Variants in CEP128 observed in about 807,000 individuals in gnomAD.
The protein encoded by CEP128 is centrosomal protein 128kDa.
Under a neutral mutation model 156.7 loss-of-function variants are expected in CEP128, and 132 were observed. The ratio of observed to expected loss-of-function variants is 0.84; its 90% CI spans 0.73 to 0.97. The LOEUF is 0.97. Among genes scored for constraint, CEP128 ranks in the 50% least tolerant of loss-of-function variants. The pLI, the probability that CEP128 is intolerant of heterozygous loss-of-function variation, is 0.00. For missense variants in CEP128, 1,252 were observed against 1,281.9 expected (o/e 0.98, Z 0.36); for synonymous variants, 469 against 448.9 (o/e 1.04, Z -0.57).
intron 19 of CEP128, among the ~76,000 whole-genome samples, chr14:80,685,723 C>A (rs996461567): frequency 6.6e-6 from 1 of 152,062 alleles, no homozygotes; most frequent in Admixed American, 6.6e-5. Flanking sequence ...TATAAGGCTG[C>A]AGTAACCAAA....
intron 19 of CEP128, among the ~76,000 whole-genome samples, chr14:80,619,359 G>GACACACACACACACACAC (rs765931874): frequency 4.1e-5 from 3 of 72,632 alleles, no homozygotes; most frequent in Non-Finnish European, 7.6e-5. Context: ...ATGATTTAAA[G>GACACACACACACACACAC]ACACACAGAC....
rs1447589836 is a variant in CEP128 at position 80,819,158 on chromosome 14, CCTT to C, written c.1209+11982_1209+11984del. On this transcript the variant is annotated intron_variant, in intron 13 of 24. Transcript: ENST00000555265. ...TTGCATGGTCAGATTCTGGTGCAGA[CCTT>C]CTTTGAGCTGCAGACCGACAACTTT... 2.0e-4 allele frequency among the ~76,000 whole-genome samples: 30 copies of C among 151,882 alleles called. No homozygotes were observed. In the East Asian group the frequency reaches 5.8e-3, roughly 29 times the overall value.
chr14:80,946,905 T>C (rs1886358497), intron 2 of CEP128, among the ~76,000 whole-genome samples: 1 of 152,204 alleles, frequency 6.6e-6, no homozygotes, highest in Non-Finnish European at 1.5e-5. Context: ...GATTTCCCCC[T>C]TGCTGTTCTC....
At chr14:80,691,563 T>C (rs1896720739) in intron 19 of CEP128, among the ~76,000 whole-genome samples, 1 of 152,152 alleles carries the variant, frequency 6.6e-6, no homozygotes, top group Admixed American at 6.5e-5. Context: ...TGGCTTCTTC[T>C]CTCACAAGCA....
chr14:80,505,254 T>C (rs565376617), intron 23 of CEP128, among the ~76,000 whole-genome samples: 3 of 152,332 alleles, frequency 2.0e-5, no homozygotes, highest in African/African-American at 4.8e-5. Context: ...CCAGTCTTTT[T>C]CCCCCATGAA....
Position 80,729,058 on chromosome 14 carries a change from G to GTGTGTGTGTGTGTGTGTGTGTGTGTGTGT in CEP128, c.2806+14016_2806+14017insACACACACACACACACACACACACACACA, listed in dbSNP as rs1344457542. Among the ~76,000 whole-genome samples, 85 of 105,054 alleles carry GTGTGTGTGTGTGTGTGTGTGTGTGTGTGT rather than the reference G, an allele frequency of 8.1e-4. 9 individuals are homozygous for GTGTGTGTGTGTGTGTGTGTGTGTGTGTGT. The highest frequency in any genetic ancestry group is 3.7e-3 in the East Asian group (12 of 3,200). The allele number at this position is 105,054 out of a possible 152,430, so 68.9% of individuals were successfully genotyped here. On this transcript the variant is annotated intron_variant, in intron 19 of 24. Coordinates refer to ENST00000555265, the MANE Select transcript of CEP128 (RefSeq NM_152446.5). ...CCTAGTCCCAGGCTGGGCTGGTGGG[G>GTGTGTGTGTGTGTGTGTGTGTGTGTGTGT]GTGTGTGTGTGTGTGTGTGTGTGTG...
intron 19 of CEP128, among the ~76,000 whole-genome samples, chr14:80,687,026 G>C (rs981019784): frequency 1.3e-5 from 2 of 152,152 alleles, no homozygotes; most frequent in Non-Finnish European, 2.9e-5. Context: ...ATATTAGACA[G>C]ATCATCAAGA....
chr14:80,864,266 G>A (rs916648887), intron 8 of CEP128, among the ~76,000 whole-genome samples: 1 of 152,056 alleles, frequency 6.6e-6, no homozygotes, highest in African/African-American at 2.4e-5. Context: ...TGAAGTTCTG[G>A]GGGAGTCCAA....
chr14:80,818,740 C>G (rs1885001496), intron 13 of CEP128, among the ~76,000 whole-genome samples: 2 of 152,206 alleles, frequency 1.3e-5, no homozygotes, highest in African/African-American at 4.8e-5. Context: ...TTACTTGCAA[C>G]CTAGAAGGAA....
intron 13 of CEP128, 74 bp downstream of exon 13, chr14:80,831,069 T>C (rs1219509979): frequency 2.3e-6 from 3 of 1,319,436 alleles, no homozygotes; most frequent in Middle Eastern, 3.6e-4. Context: ...CATCTTTATA[T>C]TAAAATTTCA....
intron 7 of CEP128, 31 bp downstream of exon 7, chr14:80,899,907 C>G (rs748743203): frequency 1.4e-6 from 2 of 1,401,608 alleles, no homozygotes; most frequent in African/African-American, 2.9e-5. Flanking sequence ...CATAATTTAT[C>G]CCTCCCATAA....
At chr14:80,690,867 A>G (rs1474609935) in intron 19 of CEP128, among the ~76,000 whole-genome samples, 3 of 152,238 alleles carry the variant, frequency 2.0e-5, no homozygotes, top group Non-Finnish European at 2.9e-5. Context: ...TTCATTAAAA[A>G]TAAATACCCA....
intron 19 of CEP128, among the ~76,000 whole-genome samples, chr14:80,665,944 G>C (rs1566843502): frequency 6.6e-6 from 1 of 152,168 alleles, no homozygotes; most frequent in Non-Finnish European, 1.5e-5. Context: ...TGGAATTATG[G>C]AGAAAGAAGG....
intron 19 of CEP128, among the ~76,000 whole-genome samples, chr14:80,676,419 C>A (rs1442932683): frequency 6.6e-6 from 1 of 150,730 alleles, no homozygotes; most frequent in Non-Finnish European, 1.5e-5. Context: ...AACTTGCTGA[C>A]TTTCATTATT....
chr14:80,741,201 T>C lies in CEP128; in HGVS notation c.2806+1874A>G, dbSNP rs752542737. On this transcript the variant is annotated intron_variant, in intron 19 of 24. Coordinates refer to ENST00000555265, the MANE Select transcript of CEP128 (RefSeq NM_152446.5). ...ATATTTGTTCATATTCACTAGCATT[T>C]TGTACAGCAAGAATACAACTACACT... Among the ~76,000 whole-genome samples, 3 of 152,190 alleles carry C rather than the reference T, an allele frequency of 2.0e-5. 1 individual carries two copies. The highest frequency in any genetic ancestry group is 4.4e-5 in the Non-Finnish European group (3 of 68,032).
At chr14:80,747,121 A>C (rs1384064271) in intron 18 of CEP128, among the ~76,000 whole-genome samples, 13 of 152,362 alleles carry the variant, frequency 8.5e-5, no homozygotes, top group Non-Finnish European at 1.5e-4. Flanking sequence ...GAAGTCTGAC[A>C]TACTGCCAGT....
intron 14 of CEP128, among the ~76,000 whole-genome samples, chr14:80,479,586 CTCCCACAACATG>C (rs1887011764): frequency 6.6e-6 from 1 of 152,162 alleles, no homozygotes; most frequent in Admixed American, 6.5e-5. Context: ...CACTGGGTCC[CTCCCACAACATG>C]TGGGAATTCT....
At chr14:80,817,647 C>G (rs1031038158) in intron 13 of CEP128, among the ~76,000 whole-genome samples, 4 of 152,080 alleles carry the variant, frequency 2.6e-5, no homozygotes, top group African/African-American at 9.7e-5. Flanking sequence ...CTTTGGGAGG[C>G]CAAGGCAGAC....
At chr14:80,791,322 G>C (rs760459568) in intron 14 of CEP128, among the ~76,000 whole-genome samples, 3 of 152,022 alleles carry the variant, frequency 2.0e-5, no homozygotes, top group Non-Finnish European at 4.4e-5. Flanking sequence ...CTGCTTCTTT[G>C]CTTATCATTA....
Sources: allele counts gnomAD v4.1 joint callset (sites outside exome capture counted in the v4.1 genomes callset), GRCh38; gene constraint gnomAD v4.1.1; transcripts MANE v1.5; gene names NCBI Gene and HGNC (gene_info 2026-07-23, HGNC 2026-07-21).